Variants in CNTNAP5 observed in about 807,000 individuals in gnomAD.
CNTNAP5 encodes the protein contactin-associated protein-like 5.
A neutral mutation model predicts 150.2 loss-of-function variants in CNTNAP5; 72 were observed. That is an observed-to-expected ratio of 0.48 (90% confidence interval 0.40 to 0.58). CNTNAP5 has a LOEUF of 0.58. Among genes scored for constraint, CNTNAP5 ranks in the 20% least tolerant of loss-of-function variants. The pLI, the probability that CNTNAP5 is intolerant of heterozygous loss-of-function variation, is 0.00. For missense variants in CNTNAP5, 1,636 were observed against 1,626.2 expected (o/e 1.01, Z -0.10); for synonymous variants, 672 against 619.8 (o/e 1.08, Z -1.25).
At chr2:124,258,204 G>A (rs1276997109) in intron 3 of CNTNAP5, among the ~76,000 whole-genome samples, 2 of 152,118 alleles carry the variant, frequency 1.3e-5, no homozygotes, top group African/African-American at 2.4e-5. Flanking sequence ...GGAGAAGGCA[G>A]CCTAGAGTCG....
intron 3 of CNTNAP5, among the ~76,000 whole-genome samples, chr2:124,325,589 T>TA (rs1553458411): frequency 6.6e-6 from 1 of 152,098 alleles, no homozygotes; most frequent in Non-Finnish European, 1.5e-5. Flanking sequence ...CATCTTGGGG[T>TA]AAAAAAACTT....
At chr2:124,327,324 A>G (rs1689244334) in intron 3 of CNTNAP5, among the ~76,000 whole-genome samples, 1 of 152,118 alleles carries the variant, frequency 6.6e-6, no homozygotes, top group Admixed American at 6.5e-5. Flanking sequence ...AACTGAAAAG[A>G]AACAAGCATT....
At chr2:124,781,803 C>A (rs1681458788) in intron 17 of CNTNAP5, among the ~76,000 whole-genome samples, 1 of 152,212 alleles carries the variant, frequency 6.6e-6, no homozygotes, top group Non-Finnish European at 1.5e-5. Context: ...TTCCCACAAA[C>A]TCTTATCCTC....
rs774643130 is a variant in CNTNAP5, at chr2:124,647,916, G to A, written c.2035G>A (p.Val679Met). The A allele has an allele frequency of 3.1e-6, 5 of 1,609,078 alleles. No homozygotes were observed. Among genetic ancestry groups the A allele is most frequent in the Non-Finnish European group, 4.2e-6 (5 of 1,178,162 alleles). Residue 679 changes from valine to methionine, a missense_variant, in exon 13 of 24, where the codon GTG (valine) becomes ATG (methionine). Val to Met is a conservative substitution (Grantham distance 21). Transcript: ENST00000682447. ...CGGCTCTGAGCACTGTGAGCAGGAG[G>A]TGGCCTACCACTGCAGGAGGTCCCG... is the stretch of plus-strand genomic sequence containing the variant. Reference protein sequence around the residue: ...IDGSEHCEQEVAYHCRRSRLL... With the variant: ...IDGSEHCEQEMAYHCRRSRLL...
chr2:124,403,143 C>T (rs1691472417), intron 3 of CNTNAP5, among the ~76,000 whole-genome samples: 1 of 152,190 alleles, frequency 6.6e-6, no homozygotes, highest in Admixed American at 6.5e-5. Flanking sequence ...GGGGGACATC[C>T]CTTTGAAAGT....
At chr2:124,609,358 G>T (rs1677325530) in intron 11 of CNTNAP5, among the ~76,000 whole-genome samples, 3 of 152,164 alleles carry the variant, frequency 2.0e-5, no homozygotes, top group Admixed American at 2.0e-4. Flanking sequence ...AGAGACTGAG[G>T]CAGGAGAATC....
intron 14 of CNTNAP5, among the ~76,000 whole-genome samples, chr2:124,752,886 C>A (rs1031606674): frequency 5.3e-5 from 8 of 152,068 alleles, no homozygotes; most frequent in African/African-American, 1.9e-4. Context: ...CAGCAAGAGG[C>A]GTCAAAGGCT....
intron 14 of CNTNAP5, among the ~76,000 whole-genome samples, chr2:124,750,755 G>A (rs549499473): frequency 1.3e-5 from 2 of 152,156 alleles, no homozygotes; most frequent in African/African-American, 2.4e-5. Flanking sequence ...GGAGGCCGAG[G>A]TGGGCGGATC....
chr2:124,503,218 G>C (rs1694316414), intron 7 of CNTNAP5, among the ~76,000 whole-genome samples: 1 of 152,176 alleles, frequency 6.6e-6, no homozygotes, highest in Middle Eastern at 3.2e-3. Flanking sequence ...TTAGAAATGT[G>C]CTACTGGTAG....
At chr2:124,239,595 A>C (rs1686836017) in intron 2 of CNTNAP5, among the ~76,000 whole-genome samples, 1 of 152,146 alleles carries the variant, frequency 6.6e-6, no homozygotes, top group East Asian at 1.9e-4. Flanking sequence ...AAATCAGAAG[A>C]GTATAAAATC....
intron 11 of CNTNAP5, among the ~76,000 whole-genome samples, chr2:124,588,180 CTTTCTTTCTTTCTTTCTTT>C (rs1558966052): frequency 2.8e-5 from 3 of 107,266 alleles, no homozygotes; most frequent in Non-Finnish European, 5.8e-5. Context: ...TTCCTTCCTT[CTTTCTTTCTTTCTTTCTTT>C]CTTTCTTTCT....
chr2:124,688,551 T>C (rs1029149517), intron 13 of CNTNAP5, among the ~76,000 whole-genome samples: 8 of 152,048 alleles, frequency 5.3e-5, no homozygotes, highest in Non-Finnish European at 8.8e-5. Context: ...CATAGAATGT[T>C]GGGTTCATGA....
chr2:124,832,208 T>G (rs932820258), intron 19 of CNTNAP5, among the ~76,000 whole-genome samples: 7 of 152,092 alleles, frequency 4.6e-5, no homozygotes, highest in Non-Finnish European at 2.9e-5. Context: ...TTTTATTTTA[T>G]CCATAATTTT....
chr2:124,645,005 A>G (rs938296220), intron 12 of CNTNAP5, among the ~76,000 whole-genome samples: 1 of 152,252 alleles, frequency 6.6e-6, no homozygotes, highest in African/African-American at 2.4e-5. Flanking sequence ...CACAACATTT[A>G]GTATTATAGA....
intron 10 of CNTNAP5, among the ~76,000 whole-genome samples, chr2:124,534,261 G>A (rs976307111): frequency 1.3e-4 from 20 of 151,916 alleles, no homozygotes; most frequent in East Asian, 3.9e-4. Flanking sequence ...CTTGGATCTC[G>A]CGCAATAAAA....
At chr2:124,708,816 G>T (rs1679747582) in intron 13 of CNTNAP5, among the ~76,000 whole-genome samples, 1 of 152,166 alleles carries the variant, frequency 6.6e-6, no homozygotes, top group African/African-American at 2.4e-5. Flanking sequence ...GAATTGCTCA[G>T]CAGTTGATAA....
At chr2:124,419,414 T>C (rs1020717041) in intron 4 of CNTNAP5, among the ~76,000 whole-genome samples, 20 of 152,266 alleles carry the variant, frequency 1.3e-4, no homozygotes, top group African/African-American at 4.8e-4. Flanking sequence ...ATGTTTAGCA[T>C]CTTCTGGTGA....
chr2:124,763,071 T>A (rs1212242976), intron 14 of CNTNAP5, among the ~76,000 whole-genome samples: 2 of 152,014 alleles, frequency 1.3e-5, no homozygotes, highest in Non-Finnish European at 2.9e-5. Flanking sequence ...CTAAACTTTA[T>A]CCAAAGGTGA....
chr2:124,128,802 A>C (rs775789404), intron 1 of CNTNAP5, among the ~76,000 whole-genome samples: 1 of 152,184 alleles, frequency 6.6e-6, no homozygotes, highest in Non-Finnish European at 1.5e-5. Flanking sequence ...TGAGCAAACT[A>C]TCGCAAGGGC....
Sources: allele counts gnomAD v4.1 joint callset (sites outside exome capture counted in the v4.1 genomes callset), GRCh38; gene constraint gnomAD v4.1.1; transcripts MANE v1.5; gene names NCBI Gene and HGNC (gene_info 2026-07-23, HGNC 2026-07-21).